MARK4: variants seen among roughly 807,000 people sequenced by gnomAD.
MARK4 encodes the protein MAP/microtubule affinity-regulating kinase 4.
In MARK4, 19 loss-of-function variants were observed where a neutral mutation model predicts 81.5. That is an observed-to-expected ratio of 0.23 (90% CI 0.16 to 0.34). MARK4 has a LOEUF of 0.34. Among genes scored for constraint, MARK4 ranks in the 10% least tolerant of loss-of-function variants. MARK4 has a pLI of 1.00. For synonymous variants in MARK4, 436 were observed against 439.0 expected, an observed-to-expected ratio of 0.99 and a Z score of 0.08; for missense variants, 772 against 1,058.8, an observed-to-expected ratio of 0.73 and a Z score of 3.76.
chr19:45,279,584 TATATTA>T (rs1970645384), intron 10 of MARK4, among the ~76,000 whole-genome samples: 1 of 152,168 alleles, frequency 6.6e-6, no homozygotes, highest in Non-Finnish European at 1.5e-5. Flanking sequence ...TCAACCTAAT[TATATTA>T]GTAGGTTGAA....
In MARK4 at chr19:45,284,618, G is replaced by A. The variant is rs372539362; in HGVS notation, c.1277-2829G>A. 9.1e-4 allele frequency among the ~76,000 whole-genome samples: 138 copies of A among 151,666 alleles called. 4 individuals carry two copies. The South Asian group carries it at 0.027, about 30-fold the overall frequency. ...GCTGGGATTACAGGCATGAGCCACC[G>A]CGCCTGGCCCGCTCCTAGATTTCTT... On this transcript the variant is annotated intron_variant, in intron 12 of 16. Transcript: ENST00000262891.
rs1970407340 is a variant in MARK4 at position 45,263,512 on chromosome 19, C to T, written c.355+145C>T. Reference sequence around the variant, plus strand: ...ATCCCAGCACTTAGGGAGGCCGAGGCGGGTGGATCACTTGAGGTCAGGAGT... The same window carrying T: ...ATCCCAGCACTTAGGGAGGCCGAGGTGGGTGGATCACTTGAGGTCAGGAGT... On this transcript the variant is annotated intron_variant, in intron 4 of 16. Coordinates refer to ENST00000262891, the MANE Select transcript of MARK4 (RefSeq NM_001199867.2). 1.5e-5 allele frequency: 14 copies of T among 932,594 alleles called. No homozygotes were observed. In the East Asian group the frequency reaches 1.9e-4, roughly 13 times the overall value. The allele number at this position is 932,594 out of a possible 1,614,324, so 57.8% of individuals were successfully genotyped here. A position where few individuals can be genotyped will look rare whatever the true frequency, so the allele number is the denominator to read the frequency against.
chr19:45,254,110 C>T (rs978044171), intron 1 of MARK4, among the ~76,000 whole-genome samples: 1 of 152,230 alleles, frequency 6.6e-6, no homozygotes, highest in Admixed American at 6.5e-5. Flanking sequence ...GCTACAGCCA[C>T]GTGGGGTCAT....
At chr19:45,252,914 C>A (rs940117730) in intron 1 of MARK4, among the ~76,000 whole-genome samples, 17 of 151,982 alleles carry the variant, frequency 1.1e-4, no homozygotes, top group African/African-American at 3.9e-4. Flanking sequence ...TTCCTAGGAG[C>A]TTCCCCAAGA....
Position 45,302,317 on chromosome 19 carries a change from C to T in MARK4, c.1923-57C>T, listed in dbSNP as rs1908612420. On this transcript the variant is annotated intron_variant, in intron 16 of 16. Transcript: ENST00000262891. The surrounding 1 kb of genome is among the most constrained non-coding windows in gnomAD (Gnocchi z 4.9). ...AATTGGGAAGAGTTGTCCCTTCAGC[C>T]CTCCACCACATTCCTCTTCGCTCCC... 1.2e-6 allele frequency: 2 copies of T among 1,611,320 alleles called. No individual in the cohort carries two copies. The highest frequency in any genetic ancestry group is 1.7e-6 in the Non-Finnish European group (2 of 1,178,330).
intron 12 of MARK4, among the ~76,000 whole-genome samples, chr19:45,284,315 G>T (rs971546335): frequency 6.6e-6 from 1 of 150,492 alleles, no homozygotes; most frequent in Middle Eastern, 3.5e-3. Context: ...GCCACTCCTA[G>T]ATTTCTTTTC....
intron 12 of MARK4, among the ~76,000 whole-genome samples, chr19:45,286,332 G>A (rs1448832692): frequency 6.6e-6 from 1 of 151,810 alleles, no homozygotes; most frequent in Non-Finnish European, 1.5e-5. Context: ...GGGATTACAG[G>A]CGTGAGCCAC....
intron 13 of MARK4, 40 bp from the exon 14 acceptor site, chr19:45,294,309 C>A: frequency 6.3e-7 from 1 of 1,586,562 alleles, no homozygotes; most frequent in Non-Finnish European, 8.7e-7. Flanking sequence ...AGGGGCATGT[C>A]TTCACCCCCT....
intron 13 of MARK4, chr19:45,288,290 C>G (rs1305297758): frequency 6.6e-6 from 1 of 152,120 alleles, no homozygotes; most frequent in Non-Finnish European, 1.5e-5. Flanking sequence ...CAGTGGCTTA[C>G]GCTTGTAATC....
At position 45,277,897 on chromosome 19, in the gene MARK4, C is replaced by T. The variant is rs754280369; in HGVS notation, c.787-26C>T. On this transcript the variant is annotated intron_variant, in intron 8 of 16. Coordinates refer to ENST00000262891, the MANE Select transcript of MARK4 (RefSeq NM_001199867.2). ...ATAGGTGGGGGGCGGGGCAGACCCC[C>T]TCCTCCAGTAACCCCATCCCTGCAG... 3.7e-6 allele frequency: 6 copies of T among 1,604,690 alleles called. No homozygotes were observed. The South Asian group carries it at 6.7e-5, about 18-fold the overall frequency.
chr19:45,267,684 GT>G (rs1330539596), intron 7 of MARK4, among the ~76,000 whole-genome samples: 3 of 152,262 alleles, frequency 2.0e-5, no homozygotes, highest in Middle Eastern at 3.4e-3. Context: ...TTGTTGTTTT[GT>G]TTTGTTTTTT....
At chr19:45,263,630 T>C (rs1046335844) in intron 4 of MARK4, among the ~76,000 whole-genome samples, 1 of 151,548 alleles carries the variant, frequency 6.6e-6, no homozygotes, top group East Asian at 2.0e-4. Flanking sequence ...TAATCCCAGC[T>C]ACTCGGGAGG....
chr19:45,295,120 C>T (rs542191559), intron 14 of MARK4, among the ~76,000 whole-genome samples: 197 of 150,802 alleles, frequency 1.3e-3, no homozygotes, highest in African/African-American at 4.7e-3. Flanking sequence ...GAGGCTGAGG[C>T]AGGTGGATCA....
chr19:45,279,063 T>G (rs1970638750), intron 10 of MARK4, among the ~76,000 whole-genome samples: 1 of 145,262 alleles, frequency 6.9e-6, no homozygotes, highest in Non-Finnish European at 1.5e-5. Flanking sequence ...TACAAAAAAA[T>G]AAAAATAAAA....
intron 12 of MARK4, among the ~76,000 whole-genome samples, 195 bp downstream of exon 12, chr19:45,280,929 G>T (rs939107211): frequency 2.0e-5 from 3 of 152,084 alleles, no homozygotes; most frequent in Non-Finnish European, 4.4e-5. Flanking sequence ...CTCAGGAAGG[G>T]ATTAAAACCG....
At chr19:45,258,802 A>AC in intron 1 of MARK4, 187 bp from the exon 2 acceptor site, 1 of 609,156 alleles carries the variant, frequency 1.6e-6, no homozygotes, top group Admixed American at 3.1e-5. Flanking sequence ...GATTTGGAGG[A>AC]CATGGGGGCT....
chr19:45,287,322 A>G (rs746081417), intron 12 of MARK4, 125 bp from the exon 13 acceptor site: 9 of 565,628 alleles, frequency 1.6e-5, no homozygotes, highest in Non-Finnish European at 2.6e-5. Context: ...TTTGACAGAT[A>G]TTGTCAGAAT....
chr19:45,266,338 C>T, intron 7 of MARK4, 57 bp downstream of exon 7: 1 of 1,529,444 alleles, frequency 6.5e-7, no homozygotes, highest in Non-Finnish European at 9.1e-7. Flanking sequence ...CAGACTTCTC[C>T]CTGCCCCCAC....
intron 14 of MARK4, among the ~76,000 whole-genome samples, chr19:45,295,703 T>C (rs187049774): frequency 6.6e-6 from 1 of 152,154 alleles, no homozygotes; most frequent in East Asian, 1.9e-4. Context: ...CGCTTGAACC[T>C]GGGAGGCAGA....
Sources: allele counts gnomAD v4.1 joint callset (sites outside exome capture counted in the v4.1 genomes callset), GRCh38; gene constraint gnomAD v4.1.1; non-coding constraint Gnocchi (gnomAD v3.1); transcripts MANE v1.5; gene names NCBI Gene and HGNC (gene_info 2026-07-23, HGNC 2026-07-21).